MYO1E: variants seen among roughly 807,000 people sequenced by gnomAD.
MYO1E encodes unconventional myosin-Ie.
MYO1E carries 68 observed loss-of-function variants against 151.1 expected under a neutral mutation model. That is an observed-to-expected ratio of 0.45 (90% confidence interval 0.37 to 0.55). MYO1E has a LOEUF of 0.55. Among genes scored for constraint, MYO1E ranks in the 20% least tolerant of loss-of-function variants. MYO1E has a pLI of 0.00. For missense variants in MYO1E, 1,363 were observed against 1,389.3 expected (o/e 0.98, Z 0.30); for synonymous variants, 601 against 501.7 (o/e 1.20, Z -2.64).
At chr15:59,326,063 C>A (rs1277584713) in intron 1 of MYO1E, among the ~76,000 whole-genome samples, 1 of 151,840 alleles carries the variant, frequency 6.6e-6, no homozygotes. Context: ...CTTTAAACAC[C>A]AAAACTCTCA....
intron 1 of MYO1E, among the ~76,000 whole-genome samples, chr15:59,347,681 T>C (rs555547559): frequency 3.3e-5 from 5 of 152,108 alleles, no homozygotes; most frequent in South Asian, 4.1e-4. Flanking sequence ...AAACATATGA[T>C]AGATATGAAT....
intron 1 of MYO1E, among the ~76,000 whole-genome samples, chr15:59,290,679 C>A (rs958637758): frequency 1.3e-5 from 2 of 152,164 alleles, no homozygotes; most frequent in South Asian, 2.1e-4. Context: ...TTTAAAATAA[C>A]CTTGCAGAAA....
intron 4 of MYO1E, among the ~76,000 whole-genome samples, chr15:59,249,251 G>T (rs1364936451): frequency 6.6e-6 from 1 of 152,006 alleles, no homozygotes; most frequent in Non-Finnish European, 1.5e-5. Context: ...GTGAAACCCA[G>T]TCTCTACTAA....
At chr15:59,342,792 G>A (rs2080773247) in intron 1 of MYO1E, among the ~76,000 whole-genome samples, 1 of 151,930 alleles carries the variant, frequency 6.6e-6, no homozygotes, top group Non-Finnish European at 1.5e-5. Flanking sequence ...ATGTTTTTTA[G>A]ATTTGAGGTT....
intron 1 of MYO1E, among the ~76,000 whole-genome samples, chr15:59,359,289 A>T (rs1229213785): frequency 1.4e-5 from 2 of 146,192 alleles, no homozygotes; most frequent in African/African-American, 5.0e-5. Flanking sequence ...ACATATATAT[A>T]TATATGTATG....
intron 17 of MYO1E, among the ~76,000 whole-genome samples, chr15:59,188,597 G>A (rs1269588963): frequency 6.6e-6 from 1 of 152,180 alleles, no homozygotes; most frequent in Non-Finnish European, 1.5e-5. Flanking sequence ...TCGGGAGGCT[G>A]AGGCAGGAAA....
At chr15:59,371,214 A>T (rs1054736170) in intron 1 of MYO1E, among the ~76,000 whole-genome samples, 1 of 152,060 alleles carries the variant, frequency 6.6e-6, no homozygotes, top group African/African-American at 2.4e-5. Context: ...GGGGCTTCTG[A>T]GCTTTGTGTG....
chr15:59,351,568 G>T (rs1305814298), intron 1 of MYO1E, among the ~76,000 whole-genome samples: 5 of 152,320 alleles, frequency 3.3e-5, no homozygotes, highest in Admixed American at 6.5e-5. Flanking sequence ...ATGCAAAGCC[G>T]TGTTACTAGA....
rs1195438899 is a variant in MYO1E at position 59,173,487 on chromosome 15, A to G, written c.2334+259T>C. On this transcript the variant is annotated intron_variant, in intron 21 of 27. Coordinates refer to ENST00000288235, the MANE Select transcript of MYO1E (RefSeq NM_004998.4). ...CAGGACATAAAACAGCATGTAATGT[A>G]TATCTCATTTTTTGTAAAACTAAAT... Among the ~76,000 whole-genome samples, 5 of 152,230 alleles carry G rather than the reference A, an allele frequency of 3.3e-5. No homozygotes were observed. In the East Asian group the frequency reaches 7.7e-4, roughly 23 times the overall value.
intron 26 of MYO1E, among the ~76,000 whole-genome samples, chr15:59,145,588 C>T (rs2079436528): frequency 6.6e-6 from 1 of 152,108 alleles, no homozygotes; most frequent in Non-Finnish European, 1.5e-5. Context: ...GATGGGGTTT[C>T]ACCCTGTTGC....
chr15:59,216,126 G>A (rs570114992), intron 10 of MYO1E, among the ~76,000 whole-genome samples: 2 of 152,242 alleles, frequency 1.3e-5, no homozygotes, highest in East Asian at 3.9e-4. Context: ...TTAGTGCCTG[G>A]AATCAAATAC....
intron 4 of MYO1E, among the ~76,000 whole-genome samples, chr15:59,252,427 A>C (rs1426758588): frequency 6.6e-6 from 1 of 152,182 alleles, no homozygotes; most frequent in African/African-American, 2.4e-5. Flanking sequence ...CTAAAAATGC[A>C]AAAGAGGCTG....
chr15:59,258,303 C>A (rs559516676), intron 3 of MYO1E, among the ~76,000 whole-genome samples: 1 of 152,276 alleles, frequency 6.6e-6, no homozygotes, highest in South Asian at 2.1e-4. Flanking sequence ...GCTGAGATTG[C>A]AGTATTGCAC....
chr15:59,265,779 G>A (rs1263502089), intron 2 of MYO1E, among the ~76,000 whole-genome samples: 2 of 130,234 alleles, frequency 1.5e-5, no homozygotes, highest in Non-Finnish European at 3.1e-5. Context: ...AATATACTGA[G>A]ACCCCATCTC....
At chr15:59,320,970 A>C (rs1567013890) in intron 1 of MYO1E, among the ~76,000 whole-genome samples, 1 of 152,240 alleles carries the variant, frequency 6.6e-6, no homozygotes, top group African/African-American at 2.4e-5. Flanking sequence ...TCCTTAAGGA[A>C]CTTTTAACAA....
chr15:59,314,895 A>G (rs969648524), intron 1 of MYO1E, among the ~76,000 whole-genome samples: 2 of 152,108 alleles, frequency 1.3e-5, no homozygotes, highest in African/African-American at 4.8e-5. Context: ...GCTCCAGCCA[A>G]TTGTTACCAC....
chr15:59,139,334 C>T (rs56662858), intron 26 of MYO1E, among the ~76,000 whole-genome samples: 3 of 139,086 alleles, frequency 2.2e-5, no homozygotes, highest in Admixed American at 1.7e-4. Flanking sequence ...TCCCTCCCAA[C>T]CCCTCATTAT....
rs577418614 is a variant in MYO1E, at chr15:59,187,073, T to G, written c.1904+1045A>C. Among the ~76,000 whole-genome samples the G allele has an allele frequency of 1.4e-4, 22 of 152,324 alleles. No individual in the cohort carries two copies. In the South Asian group the frequency reaches 3.9e-3, roughly 27 times the overall value. On this transcript the variant is annotated intron_variant, in intron 18 of 27. Transcript: ENST00000288235. ...GGTTAAACATTTTCCTGAAATTGTC[T>G]TCATACTGTTAATTTATTCAGTCAA...
chr15:59,364,761 C>T (rs1215829291), intron 1 of MYO1E, among the ~76,000 whole-genome samples: 1 of 151,776 alleles, frequency 6.6e-6, no homozygotes, highest in African/African-American at 2.4e-5. Flanking sequence ...AACAGTTGGC[C>T]GGGCATGGTA....
Sources: gnomAD v4.1 joint callset for allele counts (sites outside exome capture counted in the v4.1 genomes callset) on GRCh38, gnomAD v4.1.1 for gene constraint, MANE v1.5 for transcripts, NCBI Gene and HGNC (gene_info 2026-07-23, HGNC 2026-07-21) for gene names.